Variants in BMP5 observed in about 807,000 individuals in gnomAD.
BMP5 encodes bone morphogenetic protein 5.
BMP5 carries 23 observed loss-of-function variants against 46.6 expected under a neutral mutation model. The observed-to-expected ratio is 0.49, with a 90% confidence interval of 0.35 to 0.70. BMP5 has a LOEUF of 0.70. BMP5 is among the 30% of genes least tolerant of loss of function. The pLI, the probability that BMP5 is intolerant of heterozygous loss-of-function variation, is 0.00. For synonymous variants in BMP5, 204 were observed against 191.9 expected (o/e 1.06, Z -0.52); for missense variants, 545 against 565.6 (o/e 0.96, Z 0.37).
At chr6:55,841,946 T>G (rs766400056) in intron 1 of BMP5, among the ~76,000 whole-genome samples, 2 of 117,860 alleles carry the variant, frequency 1.7e-5, no homozygotes, top group Non-Finnish European at 3.5e-5. Context: ...GAGAGAGATT[T>G]TTCTATCCTT....
chr6:55,806,170 T>C (rs1170919822), intron 2 of BMP5, among the ~76,000 whole-genome samples: 1 of 152,222 alleles, frequency 6.6e-6, no homozygotes, highest in South Asian at 2.1e-4. Flanking sequence ...TGGTATTGCC[T>C]AGGTTTTCTT....
chr6:55,783,061 T>C (rs909312831), intron 3 of BMP5, among the ~76,000 whole-genome samples: 1 of 152,076 alleles, frequency 6.6e-6, no homozygotes, highest in Non-Finnish European at 1.5e-5. Context: ...ATACGTATTG[T>C]AGTTTCCAAG....
rs146444635 is a variant in BMP5 at position 55,859,887 on chromosome 6, T to C, written c.490+14489A>G. Among the ~76,000 whole-genome samples the C allele has an allele frequency of 5.7e-3, 876 of 152,354 alleles. 1 individual carries two copies. Among genetic ancestry groups the C allele is most frequent in the Admixed American group, 9.9e-3 (152 of 15,300 alleles). On this transcript the variant is annotated intron_variant, in intron 1 of 6. Transcript: ENST00000370830. ...ATGCTCATTAGCATAATAAACACAC[T>C]GAGGAATCCTGTCCTGAAAACATAA...
At chr6:55,834,416 A>T (rs1776738609) in intron 1 of BMP5, among the ~76,000 whole-genome samples, 2 of 152,152 alleles carry the variant, frequency 1.3e-5, no homozygotes, top group African/African-American at 4.8e-5. Flanking sequence ...ATATTCATGT[A>T]TGTAACATGC....
chr6:55,799,859 T>G (rs1001901012), intron 2 of BMP5, among the ~76,000 whole-genome samples: 2 of 152,188 alleles, frequency 1.3e-5, no homozygotes, highest in Admixed American at 1.3e-4. Flanking sequence ...GCCTGTCTCT[T>G]CAGCCTCTCA....
intron 2 of BMP5, among the ~76,000 whole-genome samples, chr6:55,795,105 T>C (rs1302283178): frequency 6.6e-6 from 1 of 152,140 alleles, no homozygotes; most frequent in Non-Finnish European, 1.5e-5. Flanking sequence ...TGCACAGTGT[T>C]ACTGTTATTA....
intron 2 of BMP5, among the ~76,000 whole-genome samples, chr6:55,809,540 G>T (rs7769728): frequency 0.2 from 30,410 of 151,804 alleles, 3,156 homozygotes; most frequent in Non-Finnish European, 0.23. Flanking sequence ...GATAAGAAAA[G>T]GAATATTAAC....
chr6:55,850,395 TCG>T lies in BMP5; in HGVS notation c.490+23979_490+23980del, dbSNP rs1491250617. On this transcript the variant is annotated intron_variant, in intron 1 of 6. Coordinates refer to ENST00000370830, the MANE Select transcript of BMP5 (RefSeq NM_021073.4). ...ATAGATAGATAGATAGATAGATAGA[TCG>T]ATAGATATAGATAGATAGATAGATT... 1.5e-3 allele frequency among the ~76,000 whole-genome samples: 144 copies of T among 93,024 alleles called. 1 individual carries two copies. The highest frequency in any genetic ancestry group is 6.9e-3 in the South Asian group (23 of 3,340). The allele number at this position is 93,024 out of a possible 152,430, so 61.0% of individuals were successfully genotyped here.
intron 2 of BMP5, among the ~76,000 whole-genome samples, chr6:55,806,613 A>G (rs1308140506): frequency 6.6e-6 from 1 of 152,080 alleles, no homozygotes; most frequent in African/African-American, 2.4e-5. Context: ...GGGAATGCCA[A>G]TGGTAGTTTG....
intron 4 of BMP5, among the ~76,000 whole-genome samples, chr6:55,763,093 G>T (rs577277914): frequency 6.6e-6 from 1 of 152,048 alleles, no homozygotes; most frequent in Non-Finnish European, 1.5e-5. Context: ...TGGTTATTAG[G>T]CCTTACTTTT....
intron 3 of BMP5, among the ~76,000 whole-genome samples, chr6:55,792,535 CAAAA>C (rs78969394): frequency 5.4e-5 from 4 of 74,672 alleles, no homozygotes; most frequent in Admixed American, 1.6e-4. Context: ...GACTCCGTCT[CAAAA>C]AAAAAAAAAA....
At chr6:55,853,759 G>A (rs1416076611) in intron 1 of BMP5, among the ~76,000 whole-genome samples, 2 of 152,132 alleles carry the variant, frequency 1.3e-5, no homozygotes, top group Non-Finnish European at 2.9e-5. Flanking sequence ...GAGAACTGCT[G>A]GTTATACAGT....
chr6:55,811,207 AG>A (rs778080539), intron 2 of BMP5, among the ~76,000 whole-genome samples: 1 of 152,190 alleles, frequency 6.6e-6, no homozygotes, highest in African/African-American at 2.4e-5. Context: ...AGAAGGAGGC[AG>A]GGGGAGATGA....
At chr6:55,786,617 C>T (rs1775456908) in intron 3 of BMP5, among the ~76,000 whole-genome samples, 1 of 151,622 alleles carries the variant, frequency 6.6e-6, no homozygotes, top group African/African-American at 2.4e-5. Context: ...CTGCTGTCTT[C>T]CTAATTTATT....
At position 55,867,335 on chromosome 6, in the gene BMP5, G is replaced by A. The variant is rs142190313; in HGVS notation, c.490+7041C>T. Among the ~76,000 whole-genome samples the A allele has an allele frequency of 3.5e-3, 528 of 152,162 alleles. 5 individuals are homozygous for A. Among genetic ancestry groups the A allele is most frequent in the African/African-American group, 0.012 (504 of 41,514 alleles). The stretch of plus-strand genomic sequence containing the variant: ...TCTGGTAACTATGCCCCCTGCCCAG[G>A]AGTAGTGAAGGCTACCCTGCCATCC... On this transcript the variant is annotated intron_variant, in intron 1 of 6. Transcript: ENST00000370830.
At chr6:55,793,344 G>C (rs1269721609) in intron 3 of BMP5, among the ~76,000 whole-genome samples, 1 of 152,228 alleles carries the variant, frequency 6.6e-6, no homozygotes, top group East Asian at 1.9e-4. Context: ...ACCATCCTAT[G>C]TTCACAGATC....
intron 1 of BMP5, among the ~76,000 whole-genome samples, chr6:55,836,103 A>T (rs1370558013): frequency 6.6e-6 from 1 of 152,182 alleles, no homozygotes; most frequent in Admixed American, 6.5e-5. Context: ...TGTAAAGTTG[A>T]TTAAGATATC....
chr6:55,807,228 T>C (rs1776012208), intron 2 of BMP5, among the ~76,000 whole-genome samples: 1 of 152,080 alleles, frequency 6.6e-6, no homozygotes, highest in Non-Finnish European at 1.5e-5. Context: ...CTCTTATTAT[T>C]TTGAGATTTT....
At chr6:55,832,733 G>A (rs186079415) in intron 1 of BMP5, among the ~76,000 whole-genome samples, 172 of 152,196 alleles carry the variant, frequency 1.1e-3, no homozygotes, top group African/African-American at 3.7e-3. Context: ...TTCTTTTTGA[G>A]CTTTATCTTT....
Sources: allele counts gnomAD v4.1 joint callset (sites outside exome capture counted in the v4.1 genomes callset), GRCh38; gene constraint gnomAD v4.1.1; transcripts MANE v1.5; gene names NCBI Gene and HGNC (gene_info 2026-07-23, HGNC 2026-07-21).